The following PRPSAP1 variants were observed in gnomAD, a reference collection of about 807,000 sequenced individuals.
The protein encoded by PRPSAP1 is phosphoribosyl pyrophosphate synthetase associated protein 1.
PRPSAP1 carries 31 observed loss-of-function variants against 39.4 expected under a neutral mutation model. The observed-to-expected ratio is 0.79, with a 90% CI of 0.59 to 1.06. PRPSAP1 has a LOEUF of 1.06. PRPSAP1 is among the 50% of genes least tolerant of loss of function. The pLI, the probability that PRPSAP1 is intolerant of heterozygous loss-of-function variation, is 0.00. For synonymous variants in PRPSAP1, 212 were observed against 192.6 expected (o/e 1.10, Z -0.83); for missense variants, 430 against 511.6 (o/e 0.84, Z 1.54).
chr17:76,324,777 G>A (rs113698410), intron 7 of PRPSAP1, among the ~76,000 whole-genome samples: 8,750 of 151,910 alleles, frequency 0.058, 365 homozygotes, highest in Non-Finnish European at 0.084. Context: ...ATTGCCTGAG[G>A]CTGGCAGGGT....
intron 6 of PRPSAP1, among the ~76,000 whole-genome samples, chr17:76,329,735 CAAAAAAAAAACA>C (rs1555594460): frequency 4.9e-5 from 6 of 123,256 alleles, no homozygotes; most frequent in African/African-American, 1.5e-4. Flanking sequence ...AACTCCATTT[CAAAAAAAAAACA>C]AAAAAAAAAA....
At chr17:76,330,365 C>T in intron 5 of PRPSAP1, 186 bp downstream of exon 5, 1 of 604,328 alleles carries the variant, frequency 1.7e-6, no homozygotes, top group Non-Finnish European at 2.9e-6. Flanking sequence ...GAAAAAAAAT[C>T]TGTTTTTAGT....
intron 9 of PRPSAP1, among the ~76,000 whole-genome samples, chr17:76,312,353 TTTGAACCCGGGAGGCAGAGG>T (rs2071078316): frequency 6.6e-6 from 1 of 151,638 alleles, no homozygotes; most frequent in Non-Finnish European, 1.5e-5. Context: ...AGGAGAATCG[TTTGAACCCGGGAGGCAGAGG>T]TTGCAGTGAG....
In PRPSAP1 at chr17:76,353,665, C is replaced by T. The variant is rs771847777; in HGVS notation, c.39G>A (p.Ala13=). The stretch of plus-strand genomic sequence containing the variant: ...CGCGCGGGACGCGGAAAGCCGAGGA[C>T]GCGGAGGGCGGGGGCAACAGCAGCA... ...KKLLLLPPPS[A]SSAFRVPRAR... Residue 13 remains alanine, a synonymous_variant, in exon 1 of 10, where the codon GCG becomes GCA. Coordinates refer to ENST00000446526, the MANE Select transcript of PRPSAP1 (RefSeq NM_002766.3). 3 of 1,523,806 alleles carry T rather than the reference C, an allele frequency of 2.0e-6. No homozygotes were observed. In the African/African-American group the frequency reaches 4.3e-5, roughly 22 times the overall value. 94.4% of individuals were successfully genotyped at this position (1,523,806 alleles called of 1,614,324 possible).
chr17:76,316,403 A>G (rs2071124517), intron 7 of PRPSAP1, among the ~76,000 whole-genome samples: 9 of 152,128 alleles, frequency 5.9e-5, no homozygotes, highest in Admixed American at 3.9e-4. Flanking sequence ...TTTCTGCCCA[A>G]TATACTCATT....
chr17:76,311,652 G>T lies in PRPSAP1; in HGVS notation c.1048C>A (p.Pro350Thr), dbSNP rs1341569581. ...CTGATATCCACAGTCTTTATCTTGG[G>T]ACATTGCAGCTTCTGAACCTCATGA... ...VPHEVQKLQC[P>T]KIKTVDISLI... Residue 350 changes from proline (P) to threonine (T), a missense_variant, in exon 10 of 10, where the codon CCC becomes ACC. This residue lies in a region of PRPSAP1 where 278 missense variants were observed against 376.3 expected (regional missense o/e 0.74). Coordinates refer to ENST00000446526, the MANE Select transcript of PRPSAP1 (RefSeq NM_002766.3). The T allele has an allele frequency of 6.2e-7, 1 of 1,614,072 alleles. No individual in the cohort carries two copies. The highest frequency in any genetic ancestry group is 2.2e-5 in the East Asian group (1 of 44,872).
chr17:76,328,934 AC>A, intron 6 of PRPSAP1, 72 bp from the exon 7 acceptor site: 1 of 1,476,922 alleles, frequency 6.8e-7, no homozygotes, highest in East Asian at 2.3e-5. Context: ...TCATTTTTTA[AC>A]CATAAAATGA....
intron 7 of PRPSAP1, among the ~76,000 whole-genome samples, chr17:76,319,197 CAA>C (rs1194879138): frequency 6.6e-6 from 1 of 151,990 alleles, no homozygotes; most frequent in African/African-American, 2.4e-5. Context: ...CTCGGCCTCC[CAA>C]AGTGCTGGAA....
chr17:76,349,309 A>G (rs901030384), intron 1 of PRPSAP1, among the ~76,000 whole-genome samples: 11 of 152,016 alleles, frequency 7.2e-5, no homozygotes, highest in African/African-American at 2.4e-4. Context: ...CGTCTCAAAA[A>G]AAAAAAAAGC....
chr17:76,313,760 A>G, intron 8 of PRPSAP1, 61 bp downstream of exon 8: 3 of 1,555,384 alleles, frequency 1.9e-6, no homozygotes, highest in Non-Finnish European at 2.7e-6. Context: ...CCCAGAGTGG[A>G]CAACCTACTG....
chr17:76,346,236 TG>T (rs1363218125), intron 2 of PRPSAP1, among the ~76,000 whole-genome samples: 1 of 152,244 alleles, frequency 6.6e-6, no homozygotes, highest in African/African-American at 2.4e-5. Flanking sequence ...GCTTCATTGT[TG>T]TTCTGGGGAA....
At chr17:76,348,685 G>A in intron 1 of PRPSAP1, 104 bp from the exon 2 acceptor site, 1 of 847,252 alleles carries the variant, frequency 1.2e-6, no homozygotes, top group Non-Finnish European at 1.8e-6. Flanking sequence ...TAATTAAGCT[G>A]CCATTCTTTC....
intron 1 of PRPSAP1, among the ~76,000 whole-genome samples, chr17:76,349,390 G>C (rs1031748389): frequency 1.3e-5 from 2 of 151,952 alleles, no homozygotes; most frequent in Non-Finnish European, 2.9e-5. Flanking sequence ...ATTAATAGTA[G>C]TGTGAGGTTT....
chr17:76,316,842 A>G (rs937130000), intron 7 of PRPSAP1, among the ~76,000 whole-genome samples: 33 of 152,356 alleles, frequency 2.2e-4, no homozygotes, highest in African/African-American at 7.9e-4. Flanking sequence ...AGTAAAATAA[A>G]GCTGCACTGA....
chr17:76,348,648 T>C (rs1240599903), intron 1 of PRPSAP1, 67 bp from the exon 2 acceptor site: 1 of 1,169,106 alleles, frequency 8.6e-7, no homozygotes, highest in Non-Finnish European at 1.2e-6. Context: ...CCAGTTCATA[T>C]GCATATGTCT....
At chr17:76,343,196 TG>T (rs2071458840) in intron 3 of PRPSAP1, among the ~76,000 whole-genome samples, 1 of 152,218 alleles carries the variant, frequency 6.6e-6, no homozygotes, top group South Asian at 2.1e-4. Flanking sequence ...CATGAAGGTC[TG>T]GATTTTTCAG....
intron 4 of PRPSAP1, 83 bp from the exon 5 acceptor site, chr17:76,330,749 T>C (rs928137978): frequency 2.6e-6 from 2 of 775,116 alleles, no homozygotes; most frequent in Non-Finnish European, 4.2e-6. Context: ...GCTCAACTCC[T>C]GCTTCCTACC....
intron 3 of PRPSAP1, among the ~76,000 whole-genome samples, chr17:76,341,893 T>C (rs2071443413): frequency 6.6e-6 from 1 of 151,998 alleles, no homozygotes; most frequent in Admixed American, 6.6e-5. Context: ...GAGCCAAGAT[T>C]GCGCCACTGC....
chr17:76,328,601 T>A (rs2071278936), intron 7 of PRPSAP1, 116 bp downstream of exon 7: 5 of 1,305,556 alleles, frequency 3.8e-6, no homozygotes, highest in Admixed American at 2.3e-5. Flanking sequence ...AGAGTGAGAC[T>A]CCATCTCAAA....
Sources: allele counts gnomAD v4.1 joint callset (sites outside exome capture counted in the v4.1 genomes callset), GRCh38; gene constraint gnomAD v4.1.1; regional missense constraint gnomAD v4.1.1; transcripts MANE v1.5; gene names NCBI Gene and HGNC (gene_info 2026-07-23, HGNC 2026-07-21).